SLC22A25: variants seen among roughly 807,000 people sequenced by gnomAD.
SLC22A25 encodes solute carrier family 22 member 25, also known as MGI:2442751, MGI:2385316, MGI:3042283, MGI:3645714, MGI:3605624, MGI:2442750.
In SLC22A25, 44 loss-of-function variants were observed where a neutral mutation model predicts 45.9. That is an observed-to-expected ratio of 0.96 (90% CI 0.75 to 1.23). SLC22A25 has a LOEUF of 1.23. Ranked by LOEUF, SLC22A25 falls within the 50% of genes most tolerant of loss-of-function variation. SLC22A25 has a pLI of 0.00. For synonymous variants in SLC22A25, 283 were observed against 238.6 expected (o/e 1.19, Z -1.72); for missense variants, 800 against 666.4 (o/e 1.20, Z -2.21).
chr11:63,169,457 A>G (rs2134711745), intron 9 of SLC22A25, among the ~76,000 whole-genome samples: 1 of 152,336 alleles, frequency 6.6e-6, no homozygotes, highest in Middle Eastern at 3.4e-3. Flanking sequence ...GTTCAAAATA[A>G]AGGGATAAAG....
At chr11:63,227,865 TA>T (rs1490215245) in intron 5 of SLC22A25, among the ~76,000 whole-genome samples, 1 of 152,230 alleles carries the variant, frequency 6.6e-6, no homozygotes, top group Non-Finnish European at 1.5e-5. Flanking sequence ...ATGGCTGGTC[TA>T]AATGCTTCCT....
intron 8 of SLC22A25, among the ~76,000 whole-genome samples, chr11:63,181,578 CAA>C (rs1160835506): frequency 6.6e-6 from 1 of 151,962 alleles, no homozygotes; most frequent in Non-Finnish European, 1.5e-5. Context: ...GAACAAGTTT[CAA>C]CAGGGATAAT....
At position 63,166,079 on chromosome 11, in the gene SLC22A25, G is replaced by T; in HGVS notation, c.1250C>A (p.Ala417Glu). Residue 417 changes from alanine (A) to glutamate (E), a missense_variant, in exon 10 of 12, where the codon GCA becomes GAA. Transcript: ENST00000306494. ...LSQMLLMFLL[A>E]TCLLAIIFVP... is the part of the protein sequence containing the mutation. ...AAATATGATGGCCAGAAGGCAGGTTGCCAGTAGGAACATGAGAAGCATCTG... is the reference window on the plus strand; with the variant it reads ...AAATATGATGGCCAGAAGGCAGGTTTCCAGTAGGAACATGAGAAGCATCTG... The T allele has an allele frequency of 6.2e-7, 1 of 1,613,958 alleles. No homozygotes were observed. Among genetic ancestry groups the T allele is most frequent in the South Asian group, 1.1e-5 (1 of 91,066 alleles).
chr11:63,235,592 T>G lies in SLC22A25; in HGVS notation c.-445+2289A>C, dbSNP rs568741440. Among the ~76,000 whole-genome samples, 4 of 152,332 alleles carry G rather than the reference T, an allele frequency of 2.6e-5. No individual in the cohort carries two copies. The South Asian group carries it at 8.3e-4, about 32-fold the overall frequency. ...AACTTCTTTGCCATTGGTTTAAACTTCCTCCTTTAGCTCAGAGTAGTTTGA... is the reference window on the plus strand; with the variant it reads ...AACTTCTTTGCCATTGGTTTAAACTGCCTCCTTTAGCTCAGAGTAGTTTGA... On this transcript the variant is annotated intron_variant, in intron 3 of 11. Transcript: ENST00000306494.
At chr11:63,217,255 T>C (rs1250826651) in intron 7 of SLC22A25, 59 bp downstream of exon 7, 1 of 1,567,176 alleles carries the variant, frequency 6.4e-7, no homozygotes, top group East Asian at 2.2e-5. Flanking sequence ...ATGTCCTCAT[T>C]CCATGTACAT....
chr11:63,241,705 A>G (rs2090251486), intron 1 of SLC22A25, among the ~76,000 whole-genome samples: 3 of 152,276 alleles, frequency 2.0e-5, no homozygotes, highest in East Asian at 1.9e-4. Context: ...TACTTTTCCC[A>G]TATACCAAGT....
intron 3 of SLC22A25, among the ~76,000 whole-genome samples, chr11:63,232,222 G>A (rs2090082066): frequency 6.6e-6 from 1 of 152,098 alleles, no homozygotes; most frequent in Non-Finnish European, 1.5e-5. Context: ...AAGACCTTGG[G>A]CAGTATGGCC....
intron 7 of SLC22A25, among the ~76,000 whole-genome samples, chr11:63,206,455 A>G (rs887931409): frequency 2.6e-5 from 4 of 152,262 alleles, no homozygotes; most frequent in Non-Finnish European, 4.4e-5. Flanking sequence ...ATACAAAATC[A>G]ATGTGCAAAA....
chr11:63,217,604 A>G lies in SLC22A25; in HGVS notation c.638T>C (p.Ile213Thr), dbSNP rs747629643. ...RFLAGAATFSIIVNTVLLIVE... is the reference protein window; with the variant it reads ...RFLAGAATFSTIVNTVLLIVE... Reference sequence around the variant, plus strand: ...ACTTAACAAAACAGTATTTACAATGATGCTAAATGTAGCAGCCCCAGCCAA... The same window carrying G: ...ACTTAACAAAACAGTATTTACAATGGTGCTAAATGTAGCAGCCCCAGCCAA... Residue 213 changes from isoleucine to threonine, a missense_variant, in exon 6 of 12, where the codon ATC (isoleucine) becomes ACC (threonine). Coordinates refer to ENST00000306494, the MANE Select transcript of SLC22A25 (RefSeq NM_199352.6). 3 of 1,613,620 alleles carry G rather than the reference A, an allele frequency of 1.9e-6. No homozygotes were observed. The highest frequency in any genetic ancestry group is 1.7e-5 in the Admixed American group (1 of 59,848).
chr11:63,178,199 C>T (rs2088187494), intron 9 of SLC22A25, among the ~76,000 whole-genome samples: 1 of 151,854 alleles, frequency 6.6e-6, no homozygotes, highest in African/African-American at 2.4e-5. Context: ...CCAATATACC[C>T]CATTTTCTTT....
chr11:63,172,856 C>A (rs1302309576), intron 9 of SLC22A25, among the ~76,000 whole-genome samples: 4 of 152,004 alleles, frequency 2.6e-5, no homozygotes, highest in Non-Finnish European at 5.9e-5. Context: ...ACCCAGCAAT[C>A]CAATTACTGG....
chr11:63,166,172 C>T lies in SLC22A25; in HGVS notation c.1157G>A (p.Gly386Asp). ...NNVFLLQTLFGAVTLLANCVA... is the reference protein window; with the variant it reads ...NNVFLLQTLFDAVTLLANCVA... ...ACAATTGGCCAGGAGGGTGACTGCA[C>T]CAAAGAGAGTCTGCAACAGGAAAAC... is the stretch of plus-strand genomic sequence containing the variant. The change falls in exon 10 of 12, where the codon GGT becomes GAT. Residue 386 changes from glycine (G) to aspartate (D), a missense_variant. Gly to Asp is a moderately conservative substitution (Grantham distance 94). Coordinates refer to ENST00000306494, the MANE Select transcript of SLC22A25 (RefSeq NM_199352.6). The T allele has an allele frequency of 6.2e-7, 1 of 1,613,990 alleles. No homozygotes were observed. The highest frequency in any genetic ancestry group is 8.5e-7 in the Non-Finnish European group (1 of 1,179,960).
rs759134510 is a variant in SLC22A25, at chr11:63,217,592, GT to G, written c.649del (p.Thr217LeufsTer4). The stretch of plus-strand genomic sequence containing the variant: ...AAATATTGACTTACTTAACAAAACA[GT>G]ATTTACAATGATGCTAAATGTAGCA... ...GAATFSIIVN[T>X]VLLIVEWITH... On this transcript the variant is annotated frameshift_variant, in exon 6 of 12. Coordinates refer to ENST00000306494, the MANE Select transcript of SLC22A25 (RefSeq NM_199352.6). LOFTEE classifies it high-confidence loss of function. The G allele has an allele frequency of 3.7e-6, 6 of 1,613,168 alleles. No homozygotes were observed. The highest frequency in any genetic ancestry group is 4.5e-5 in the East Asian group (2 of 44,838).
intron 7 of SLC22A25, among the ~76,000 whole-genome samples, chr11:63,198,331 C>T (rs891341156): frequency 1.1e-4 from 17 of 152,142 alleles, no homozygotes; most frequent in Admixed American, 9.2e-4. Context: ...ACTCAAATGT[C>T]GATCAATGAT....
intron 1 of SLC22A25, among the ~76,000 whole-genome samples, chr11:63,239,862 G>A (rs1183437754): frequency 6.6e-6 from 1 of 152,130 alleles, no homozygotes; most frequent in Non-Finnish European, 1.5e-5. Context: ...GCAAGATAAG[G>A]TCTTCAAGGT....
At position 63,163,860 on chromosome 11, in the gene SLC22A25, A is replaced by G. The variant is rs138793466; in HGVS notation, c.1608T>C (p.Asn536=). ...SIQDVENEGV[N]SLAAPQRSSV... is the part of the protein sequence containing the mutation. ...AGCTCCTCTGAGGGGCAGCTAGGCT[A>G]TTTACTCCCTCATTTTCCACATCCT... The change falls in exon 12 of 12, where the codon AAT becomes AAC. Residue 536 remains asparagine (N), a synonymous_variant. Coordinates refer to ENST00000306494, the MANE Select transcript of SLC22A25 (RefSeq NM_199352.6). The G allele has an allele frequency of 9.1e-5, 147 of 1,613,712 alleles. No individual in the cohort carries two copies. The highest frequency in any genetic ancestry group is 1.8e-4 in the Admixed American group (11 of 59,976).
At chr11:63,235,846 A>C (rs1359529018) in intron 3 of SLC22A25, among the ~76,000 whole-genome samples, 1 of 152,082 alleles carries the variant, frequency 6.6e-6, no homozygotes, top group East Asian at 1.9e-4. Flanking sequence ...TCTGTTTGTT[A>C]GTTTTCCTTC....
At chr11:63,179,687 AC>A (rs2088248894) in intron 9 of SLC22A25, among the ~76,000 whole-genome samples, 1 of 152,134 alleles carries the variant, frequency 6.6e-6, no homozygotes, top group South Asian at 2.1e-4. Flanking sequence ...CTAGAAAAAA[AC>A]TAATTTCTTG....
At chr11:63,222,058 A>T (rs1292395341) in intron 5 of SLC22A25, among the ~76,000 whole-genome samples, 1 of 152,086 alleles carries the variant, frequency 6.6e-6, no homozygotes, top group Non-Finnish European at 1.5e-5. Context: ...GAAGTCAGGT[A>T]ATGTGATTCT....
Sources: gnomAD v4.1 joint callset for allele counts (sites outside exome capture counted in the v4.1 genomes callset) on GRCh38, gnomAD v4.1.1 for gene constraint, MANE v1.5 for transcripts, NCBI Gene and HGNC (gene_info 2026-07-23, HGNC 2026-07-21) for gene names.